The following PCED1B variants were observed in gnomAD, a reference collection of about 807,000 sequenced individuals.
The protein encoded by PCED1B is PC-esterase domain-containing protein 1B.
For missense variants in PCED1B, 573 were observed against 573.9 expected (o/e 1.00, Z 0.02); for synonymous variants, 251 against 246.1 (o/e 1.02, Z -0.19).
At chr12:47,086,380 A>G (rs1937985326) in intron 1 of PCED1B, among the ~76,000 whole-genome samples, 1 of 151,182 alleles carries the variant, frequency 6.6e-6, no homozygotes, top group Non-Finnish European at 1.5e-5. Flanking sequence ...AAAAAAAAAA[A>G]AAAGGAAGTT....
In PCED1B at chr12:47,168,212, A is replaced by G. The variant is rs140820927; in HGVS notation, c.-525-48010A>G. Among the ~76,000 whole-genome samples the G allele has an allele frequency of 3.3e-3, 509 of 152,276 alleles. 8 individuals carry two copies. The South Asian group carries it at 0.04, about 12-fold the overall frequency. ...ATCTGGTCCTGGTGATTTTTTAGAG[A>G]GTAGGTCTTTTAAGCCTCCTTCTGT... On this transcript the variant is annotated intron_variant, in intron 2 of 3. Coordinates refer to ENST00000546455, the MANE Select transcript of PCED1B (RefSeq NM_138371.3).
chr12:47,171,927 T>C (rs1414607584), intron 2 of PCED1B, among the ~76,000 whole-genome samples: 8 of 151,798 alleles, frequency 5.3e-5, no homozygotes, highest in Admixed American at 5.2e-4. Context: ...CTTCCTCTTC[T>C]ATATGTATAT....
Position 47,204,554 on chromosome 12 carries a change from G to A in PCED1B, c.-525-11668G>A, listed in dbSNP as rs573945126. ...GCTCATTTATTCATTTGTATCTCATGTCTGGTCCCTACAGCCATTTAACTT... is the reference window on the plus strand; with the variant it reads ...GCTCATTTATTCATTTGTATCTCATATCTGGTCCCTACAGCCATTTAACTT... On this transcript the variant is annotated intron_variant, in intron 2 of 3. Coordinates refer to ENST00000546455, the MANE Select transcript of PCED1B (RefSeq NM_138371.3). Among the ~76,000 whole-genome samples, 33 of 152,248 alleles carry A rather than the reference G, an allele frequency of 2.2e-4. 1 individual carries two copies. In the South Asian group the frequency reaches 4.4e-3, roughly 20 times the overall value.
chr12:47,229,504 G>A (rs1053703901), intron 3 of PCED1B, among the ~76,000 whole-genome samples: 3 of 152,012 alleles, frequency 2.0e-5, no homozygotes, highest in Non-Finnish European at 2.9e-5. Context: ...TTGCATGTAC[G>A]TGGGGATGCC....
intron 2 of PCED1B, among the ~76,000 whole-genome samples, chr12:47,108,781 A>G (rs769007267): frequency 6.6e-6 from 1 of 152,152 alleles, no homozygotes; most frequent in Non-Finnish European, 1.5e-5. Flanking sequence ...TTTAATTTTA[A>G]TGGCTAGGCA....
intron 2 of PCED1B, among the ~76,000 whole-genome samples, chr12:47,122,080 G>A (rs1344126484): frequency 6.7e-6 from 1 of 150,276 alleles, no homozygotes; most frequent in African/African-American, 2.4e-5. Context: ...CTCTAAAATG[G>A]GTATAATTAT....
At chr12:47,229,385 G>A (rs1943730145) in intron 3 of PCED1B, among the ~76,000 whole-genome samples, 1 of 150,836 alleles carries the variant, frequency 6.6e-6, no homozygotes, top group Non-Finnish European at 1.5e-5. Flanking sequence ...CTGTACTTCA[G>A]CCTGGGCACC....
chr12:47,232,648 T>C (rs1332588326), intron 3 of PCED1B, among the ~76,000 whole-genome samples: 3 of 149,318 alleles, frequency 2.0e-5, no homozygotes, highest in Admixed American at 2.0e-4. Flanking sequence ...AGTATTTTAG[T>C]GTTTCTACTA....
chr12:47,229,429 GAT>G (rs1340247257), intron 3 of PCED1B, among the ~76,000 whole-genome samples: 1 of 150,272 alleles, frequency 6.7e-6, no homozygotes, highest in African/African-American at 2.4e-5. Context: ...AAAAAAAAAA[GAT>G]AAGAAAATAA....
At chr12:47,195,641 G>C (rs1942582080) in intron 2 of PCED1B, among the ~76,000 whole-genome samples, 1 of 152,158 alleles carries the variant, frequency 6.6e-6, no homozygotes, top group African/African-American at 2.4e-5. Context: ...GCTACAGTAA[G>C]GGCCAGAAAC....
chr12:47,211,596 A>G lies in PCED1B; in HGVS notation c.-525-4626A>G, dbSNP rs551191109. ...TTGAACCTGGGAGGCAGAGGTTGCA[A>G]TGAGCCAAGATCGCACCACTGCACT... On this transcript the variant is annotated intron_variant, in intron 2 of 3. Transcript: ENST00000546455. Among the ~76,000 whole-genome samples, 4 of 145,348 alleles carry G rather than the reference A, an allele frequency of 2.8e-5. No homozygotes were observed. The East Asian group carries it at 6.2e-4, about 23-fold the overall frequency.
intron 2 of PCED1B, among the ~76,000 whole-genome samples, chr12:47,109,564 C>A (rs185372665): frequency 3.3e-5 from 5 of 151,900 alleles, no homozygotes; most frequent in African/African-American, 9.7e-5. Context: ...TTTCAAAATT[C>A]AAAAAATGTA....
chr12:47,205,870 G>A (rs1264937718), intron 2 of PCED1B: 2 of 152,312 alleles, frequency 1.3e-5, no homozygotes, highest in East Asian at 3.9e-4. Context: ...TTGGAATAGA[G>A]AAAGAGTAAT....
At chr12:47,119,700 C>T (rs928594189) in intron 2 of PCED1B, among the ~76,000 whole-genome samples, 2 of 150,110 alleles carry the variant, frequency 1.3e-5, no homozygotes, top group Non-Finnish European at 3.0e-5. Context: ...AAGATTAGGC[C>T]GGGCGTGGTG....
At chr12:47,155,942 G>A (rs1296842012) in intron 2 of PCED1B, among the ~76,000 whole-genome samples, 1 of 152,116 alleles carries the variant, frequency 6.6e-6, no homozygotes, top group Non-Finnish European at 1.5e-5. Context: ...AGGGGAGAAG[G>A]GGTGGCTATT....
chr12:47,222,443 A>AG (rs1338512877), intron 3 of PCED1B, among the ~76,000 whole-genome samples: 2 of 147,118 alleles, frequency 1.4e-5, no homozygotes, highest in Non-Finnish European at 1.5e-5. Context: ...AAAAAAAAAA[A>AG]AGAGAGAGAA....
chr12:47,223,900 G>A (rs1178866322), intron 3 of PCED1B: 1 of 152,182 alleles, frequency 6.6e-6, no homozygotes, highest in African/African-American at 2.4e-5. Flanking sequence ...TGACGAGGTA[G>A]GTAATATTAT....
At chr12:47,108,032 A>G (rs10785656) in intron 2 of PCED1B, among the ~76,000 whole-genome samples, 147,881 of 152,284 alleles carry the variant, frequency 0.97, 71,936 homozygotes, top group East Asian at 1. Flanking sequence ...ATGAGCAAGT[A>G]AAATGGTATG....
At chr12:47,192,302 A>G (rs1421938513) in intron 2 of PCED1B, among the ~76,000 whole-genome samples, 1 of 152,068 alleles carries the variant, frequency 6.6e-6, no homozygotes, top group African/African-American at 2.4e-5. Flanking sequence ...AAAGTCAATT[A>G]AATAGGCTGC....
Sources: allele counts gnomAD v4.1 joint callset (sites outside exome capture counted in the v4.1 genomes callset), GRCh38; gene constraint gnomAD v4.1.1; transcripts MANE v1.5; gene names NCBI Gene and HGNC (gene_info 2026-07-23, HGNC 2026-07-21).